GMFG: variants seen among roughly 807,000 people sequenced by gnomAD.
GMFG encodes the protein glia maturation factor gamma.
Under a neutral mutation model 26.1 loss-of-function variants are expected in GMFG, and 21 were observed. The ratio of observed to expected loss-of-function variants is 0.80; its 90% CI spans 0.57 to 1.16. The LOEUF is 1.16. Ranked by LOEUF, GMFG falls within the 50% of genes most tolerant of loss-of-function variation. The pLI is 0.00. For synonymous variants in GMFG, 65 were observed against 60.8 expected (o/e 1.07, Z -0.32); for missense variants, 161 against 178.3 (o/e 0.90, Z 0.55).
intron 4 of GMFG, 63 bp downstream of exon 4, chr19:39,333,014 C>A: frequency 8.8e-7 from 1 of 1,131,512 alleles, no homozygotes; most frequent in Non-Finnish European, 1.3e-6. Context: ...GTCCCTTAGC[C>A]TATACCTCCA....
At chr19:39,333,031 C>T (rs748946918) in intron 4 of GMFG, 46 bp downstream of exon 4, 4 of 1,283,120 alleles carry the variant, frequency 3.1e-6, no homozygotes, top group Non-Finnish European at 4.5e-6. Flanking sequence ...TCCAACATCA[C>T]CCCTCCCCTC....
intron 4 of GMFG, among the ~76,000 whole-genome samples, chr19:39,330,492 G>A (rs1019953700): frequency 2.6e-5 from 4 of 151,458 alleles, no homozygotes; most frequent in African/African-American, 7.3e-5. Context: ...GCAATGGTGC[G>A]ATCCTAGCTC....
Position 39,329,167 on chromosome 19 carries a change from G to C in GMFG, c.284-94C>G. ...TCCTGAAGGCCCTGCAGCTTGCCAA[G>C]GGTCCTAGGAGCTCTTCTAAGGAGG... On this transcript the variant is annotated intron_variant, in intron 5 of 6. Transcript: ENST00000597595. 4 of 835,786 alleles carry C rather than the reference G, an allele frequency of 4.8e-6. 1 individual carries two copies. The South Asian group carries it at 5.8e-5, about 12-fold the overall frequency. 51.8% of individuals were successfully genotyped at this position (835,786 alleles called of 1,614,324 possible). A position where few individuals can be genotyped will look rare whatever the true frequency, so the allele number is the denominator to read the frequency against.
At position 39,328,893 on chromosome 19, in the gene GMFG, C is replaced by T. The variant is rs529616042; in HGVS notation, c.357+107G>A. ...ACCCAGTTCTTTAAAAAAACAAAAACAAAAACAAAAACCACTGAGACAGTG... is the reference window on the plus strand; with the variant it reads ...ACCCAGTTCTTTAAAAAAACAAAAATAAAAACAAAAACCACTGAGACAGTG... On this transcript the variant is annotated intron_variant, in intron 6 of 6. Transcript: ENST00000597595. The T allele has an allele frequency of 5.8e-6, 5 of 862,548 alleles. No individual in the cohort carries two copies. The East Asian group carries it at 1.2e-4, about 21-fold the overall frequency. 53.4% of individuals were successfully genotyped at this position (862,548 alleles called of 1,614,324 possible).
At chr19:39,328,962 C>T (rs1230021708) in intron 6 of GMFG, 38 bp downstream of exon 6, 4 of 1,455,532 alleles carry the variant, frequency 2.7e-6, no homozygotes, top group Non-Finnish European at 3.9e-6. Flanking sequence ...CCCACACCAC[C>T]TCTCCCTAAC....
rs368837888 is a variant in GMFG at position 39,335,969 on chromosome 19, C to G, written c.3+5G>C. The stretch of plus-strand genomic sequence containing the variant: ...GCTCTTCCCATAGAACCCCTGGCCC[C>G]TGACCATGATTGTTCTGTCCACAGG... On this transcript the variant is annotated splice_donor_5th_base_variant and intron_variant, in intron 1 of 6. Coordinates refer to ENST00000597595, the MANE Select transcript of GMFG (RefSeq NM_004877.4). 2.5e-6 allele frequency: 4 copies of G among 1,596,134 alleles called. No individual in the cohort carries two copies. In the African/African-American group the frequency reaches 5.4e-5, roughly 21 times the overall value.
Position 39,328,518 on chromosome 19 carries a change from T to G in GMFG, c.388A>C (p.Thr130Pro), listed in dbSNP as rs772616377. The G allele has an allele frequency of 1.2e-6, 2 of 1,613,198 alleles. No homozygotes were observed. The highest frequency in any genetic ancestry group is 4.5e-5 in the East Asian group (2 of 44,854). Reference protein sequence around the residue: ...VFEIRTTDDLTEAWLQEKLSF... With the variant: ...VFEIRTTDDLPEAWLQEKLSF... ...AACTTTTCTTGGAGCCAGGCCTCAGTGAGGTCATCAGTGGTGCGGATTTCG... is the reference window on the plus strand; with the variant it reads ...AACTTTTCTTGGAGCCAGGCCTCAGGGAGGTCATCAGTGGTGCGGATTTCG... The change falls in exon 7 of 7, where the codon ACT becomes CCT. Residue 130 changes from threonine (T) to proline (P), a missense_variant. Thr to Pro is a conservative substitution (Grantham distance 38). Coordinates refer to ENST00000597595, the MANE Select transcript of GMFG (RefSeq NM_004877.4).
intron 4 of GMFG, among the ~76,000 whole-genome samples, chr19:39,331,276 A>C (rs1437030568): frequency 6.6e-6 from 1 of 152,100 alleles, no homozygotes; most frequent in East Asian, 1.9e-4. Context: ...CTGCCTGTGA[A>C]CCTAGCTCCA....
chr19:39,329,396 C>G (rs62119672), intron 5 of GMFG, 148 bp downstream of exon 5: 2 of 654,138 alleles, frequency 3.1e-6, no homozygotes, highest in Non-Finnish European at 5.7e-6. Context: ...ATCATGCGTG[C>G]GACACACACA....
rs71169586 is a variant in GMFG at position 39,334,017 on chromosome 19, CTTTTTTTT to C, written c.151-899_151-892del. Among the ~76,000 whole-genome samples the C allele has an allele frequency of 3.9e-4, 37 of 94,974 alleles. 1 individual carries two copies. The highest frequency in any genetic ancestry group is 7.1e-4 in the Non-Finnish European group (34 of 47,616). The allele number at this position is 94,974 out of a possible 152,430, so 62.3% of individuals were successfully genotyped here. On this transcript the variant is annotated intron_variant, in intron 3 of 6. Transcript: ENST00000597595. ...TTTTTTTTTTTTGTAGAGATGGAGT[CTTTTTTTT>C]TTTTTTTTTTTTTTTGAGACAGAGT...
intron 5 of GMFG, 128 bp downstream of exon 5, chr19:39,329,416 C>A: frequency 1.5e-6 from 1 of 680,854 alleles, no homozygotes; most frequent in South Asian, 1.7e-5. Context: ...ACATCCTCAC[C>A]CAGTCACACA....
At chr19:39,335,608 C>T (rs2075246442) in intron 1 of GMFG, 77 bp from the exon 2 acceptor site, 2 of 985,740 alleles carry the variant, frequency 2.0e-6, no homozygotes, top group South Asian at 2.6e-5. Flanking sequence ...TTTCTCCATC[C>T]ACTAATGAAG....
chr19:39,334,183 A>C (rs1458428809), intron 3 of GMFG, among the ~76,000 whole-genome samples: 1 of 151,028 alleles, frequency 6.6e-6, no homozygotes, highest in Non-Finnish European at 1.5e-5. Context: ...CACCCAGCTA[A>C]TTTTTTGAAT....
At chr19:39,333,760 G>C (rs1441370682) in intron 3 of GMFG, among the ~76,000 whole-genome samples, 2 of 152,022 alleles carry the variant, frequency 1.3e-5, no homozygotes, top group African/African-American at 4.8e-5. Context: ...AGGTGTTAAG[G>C]CATTTGCCCA....
rs575950176 is a variant in GMFG at position 39,335,984 on chromosome 19, C to G, written c.-8G>C. ...CCCCTGGCCCCTGACCATGATTGTT[C>G]TGTCCACAGGCCTCTTCTTTTCTTA... On this transcript the variant is annotated 5_prime_UTR_variant, in exon 1 of 7. Coordinates refer to ENST00000597595, the MANE Select transcript of GMFG (RefSeq NM_004877.4). 2 of 1,601,196 alleles carry G rather than the reference C, an allele frequency of 1.2e-6. No individual in the cohort carries two copies. The highest frequency in any genetic ancestry group is 1.7e-6 in the Non-Finnish European group (2 of 1,168,498).
At chr19:39,332,580 A>G (rs1382169109) in intron 4 of GMFG, among the ~76,000 whole-genome samples, 1 of 151,360 alleles carries the variant, frequency 6.6e-6, no homozygotes, top group Non-Finnish European at 1.5e-5. Flanking sequence ...TAATCGGTAT[A>G]AAATTCTGCA....
intron 4 of GMFG, 62 bp from the exon 5 acceptor site, chr19:39,329,688 A>G (rs2075219017): frequency 2.0e-6 from 2 of 997,278 alleles, no homozygotes; most frequent in African/African-American, 1.6e-5. Flanking sequence ...AACAGCCATT[A>G]CCTGAGTCCA....
At chr19:39,332,944 C>A in intron 4 of GMFG, 133 bp downstream of exon 4, 1 of 533,544 alleles carries the variant, frequency 1.9e-6, no homozygotes, top group Non-Finnish European at 3.5e-6. Context: ...CAGGGATGAG[C>A]CACCTCACTC....
chr19:39,328,987 T>A lies in GMFG; in HGVS notation c.357+13A>T. 1.3e-6 allele frequency: 2 copies of A among 1,594,178 alleles called. No individual in the cohort carries two copies. The highest frequency in any genetic ancestry group is 1.7e-6 in the Non-Finnish European group (2 of 1,161,736). On this transcript the variant is annotated intron_variant, in intron 6 of 6. Transcript: ENST00000597595. The stretch of plus-strand genomic sequence containing the variant: ...CTCTCCCTAACACTCTGGAGCCCCA[T>A]CCCAGTCTGAACCTTTGTGAGCTCT...
Sources: gnomAD v4.1 joint callset for allele counts (sites outside exome capture counted in the v4.1 genomes callset) on GRCh38, gnomAD v4.1.1 for gene constraint, MANE v1.5 for transcripts, NCBI Gene and HGNC (gene_info 2026-07-23, HGNC 2026-07-21) for gene names.